The following EGR4 variants were observed in gnomAD, a reference collection of about 807,000 sequenced individuals.
The protein encoded by EGR4 is early growth response 4.
EGR4 carries 22 observed loss-of-function variants against 25.4 expected under a neutral mutation model. The observed-to-expected ratio is 0.87, with a 90% CI of 0.62 to 1.24. The LOEUF (loss-of-function observed/expected upper bound fraction) is 1.24, where lower values mean the gene tolerates loss of function less well. Ranked by LOEUF, EGR4 falls within the 50% of genes most tolerant of loss-of-function variation. EGR4 has a pLI of 0.00. For missense variants in EGR4, 742 were observed against 702.9 expected (o/e 1.06, Z -0.63); for synonymous variants, 375 against 320.1 (o/e 1.17, Z -1.83).
In EGR4 at chr2:73,291,368, G is replaced by A; in HGVS notation, c.*89C>T. ...GGAGGCCGGCCCTCGGGCGTGCGAG[G>A]AGGAGTTGGAAGAAGAGCGGGGAGG... On this transcript the variant is annotated 3_prime_UTR_variant, in exon 2 of 2. Coordinates refer to ENST00000436467, the MANE Select transcript of EGR4 (RefSeq NM_001965.4). 1 of 1,502,990 alleles carries A rather than the reference G, an allele frequency of 6.7e-7. No individual in the cohort carries two copies. Among genetic ancestry groups the A allele is most frequent in the Non-Finnish European group, 8.9e-7 (1 of 1,126,690 alleles). The allele number at this position is 1,502,990 out of a possible 1,614,324, so 93.1% of individuals were successfully genotyped here.
chr2:73,291,267 C>T lies in EGR4; in HGVS notation c.*190G>A, dbSNP rs1689088998. The T allele has an allele frequency of 2.5e-6, 2 of 802,946 alleles. No homozygotes were observed. The highest frequency in any genetic ancestry group is 2.0e-5 in the South Asian group (1 of 50,652). 49.7% of individuals were successfully genotyped at this position (802,946 alleles called of 1,614,324 possible). On this transcript the variant is annotated 3_prime_UTR_variant, in exon 2 of 2. Transcript: ENST00000436467. Reference sequence around the variant, plus strand: ...CTGACAAGGGTGACAGCGCCTGGACCGCGGGAACTGTCCGCGGAGCTGGTG... The same window carrying T: ...CTGACAAGGGTGACAGCGCCTGGACTGCGGGAACTGTCCGCGGAGCTGGTG...
chr2:73,292,896 T>C, intron 1 of EGR4, 115 bp from the exon 2 acceptor site: 1 of 1,225,392 alleles, frequency 8.2e-7, no homozygotes, highest in Non-Finnish European at 1.0e-6. Context: ...CTTTTGCACA[T>C]TCTGATTCAG....
At position 73,293,351 on chromosome 2, in the gene EGR4, C is replaced by T. The variant is rs1689150104; in HGVS notation, c.-34G>A. ...GCCGGCTGTGGGGCGCCCGGGGCCTCGCCCGCTGGGCTTGGGGGCGCGCGG... is the reference window on the plus strand; with the variant it reads ...GCCGGCTGTGGGGCGCCCGGGGCCTTGCCCGCTGGGCTTGGGGGCGCGCGG... On this transcript the variant is annotated 5_prime_UTR_variant, in exon 1 of 2. Coordinates refer to ENST00000436467, the MANE Select transcript of EGR4 (RefSeq NM_001965.4). The T allele has an allele frequency of 1.3e-6, 2 of 1,538,832 alleles. No individual in the cohort carries two copies. The highest frequency in any genetic ancestry group is 8.7e-7 in the Non-Finnish European group (1 of 1,143,206).
rs911357336 is a variant in EGR4, at chr2:73,292,447, C to T, written c.471G>A (p.Ala157=). 14 of 1,499,090 alleles carry T rather than the reference C, an allele frequency of 9.3e-6. No individual in the cohort carries two copies. Among genetic ancestry groups the T allele is most frequent in the African/African-American group, 7.0e-5 (5 of 71,466 alleles). 92.9% of individuals were successfully genotyped at this position (1,499,090 alleles called of 1,614,324 possible). A position where few individuals can be genotyped will look rare whatever the true frequency, so the allele number is the denominator to read the frequency against. Residue 157 remains alanine (A), a synonymous_variant, in exon 2 of 2, where the codon GCG becomes GCA. Coordinates refer to ENST00000436467, the MANE Select transcript of EGR4 (RefSeq NM_001965.4). The part of the protein sequence containing the change: ...PDLGAAPFPE[A]FWEASPCAGA... ...CCGCGCAAGGCGAGGCCTCCCAGAA[C>T]GCCTCTGGGAAAGGGGCAGCGCCCA...
chr2:73,293,498 G>A lies in EGR4; in HGVS notation c.-181C>T, dbSNP rs998232165. 50 of 1,094,918 alleles carry A rather than the reference G, an allele frequency of 4.6e-5. No individual in the cohort carries two copies. Among genetic ancestry groups the A allele is most frequent in the Non-Finnish European group, 5.8e-5 (47 of 804,510 alleles). 67.8% of individuals were successfully genotyped at this position (1,094,918 alleles called of 1,614,324 possible). A position where few individuals can be genotyped will look rare whatever the true frequency, so the allele number is the denominator to read the frequency against. Reference sequence around the variant, plus strand: ...GGAGCCGCGGCGCCCTCGCTCGCCCGCACCGGCCTCGGGCGGCGGCTCCTC... The same window carrying A: ...GGAGCCGCGGCGCCCTCGCTCGCCCACACCGGCCTCGGGCGGCGGCTCCTC... On this transcript the variant is annotated 5_prime_UTR_variant, in exon 1 of 2. Transcript: ENST00000436467.
In EGR4 at chr2:73,292,777, G is replaced by A. The variant is rs762746716; in HGVS notation, c.141C>T (p.Gly47=). The change falls in exon 2 of 2, where the codon GGC becomes GGT. Residue 47 remains glycine, a synonymous_variant. Coordinates refer to ENST00000436467, the MANE Select transcript of EGR4 (RefSeq NM_001965.4). ...TGTTCAAAGCCCAGCTCAAGAAGTC[G>A]CCTGCTGAGGAGGGAGCAGGAATCA... ...APAATGYPGA[G]DFLSWALNSC... The A allele has an allele frequency of 1.2e-5, 17 of 1,442,690 alleles. 1 individual carries two copies. In the African/African-American group the frequency reaches 1.7e-4, roughly 15 times the overall value. 89.4% of individuals were successfully genotyped at this position (1,442,690 alleles called of 1,614,324 possible).
chr2:73,293,276 G>T lies in EGR4; in HGVS notation c.42C>A (p.Leu14=). 1.9e-6 allele frequency: 3 copies of T among 1,589,752 alleles called. No individual in the cohort carries two copies. The highest frequency in any genetic ancestry group is 2.3e-5 in the South Asian group (2 of 86,370). ...CGCAACAGCCTTCAGTGGACTTGAC[G>T]AGGAGCGCGTCGGGTTCGGAAAACT... ...LSEFSEPDAL[L]VKSTEGCCAE... is the part of the protein sequence containing the mutation. Residue 14 remains leucine (L), a synonymous_variant, in exon 1 of 2, where the codon CTC becomes CTA. Coordinates refer to ENST00000436467, the MANE Select transcript of EGR4 (RefSeq NM_001965.4).
Position 73,291,265 on chromosome 2 carries a change from A to G in EGR4, c.*192T>C. 2 of 780,654 alleles carry G rather than the reference A, an allele frequency of 2.6e-6. No individual in the cohort carries two copies. The highest frequency in any genetic ancestry group is 4.0e-5 in the South Asian group (2 of 49,928). 48.4% of individuals were successfully genotyped at this position (780,654 alleles called of 1,614,324 possible). A position where few individuals can be genotyped will look rare whatever the true frequency, so the allele number is the denominator to read the frequency against. On this transcript the variant is annotated 3_prime_UTR_variant, in exon 2 of 2. Transcript: ENST00000436467. Reference sequence around the variant, plus strand: ...GGCTGACAAGGGTGACAGCGCCTGGACCGCGGGAACTGTCCGCGGAGCTGG... The same window carrying G: ...GGCTGACAAGGGTGACAGCGCCTGGGCCGCGGGAACTGTCCGCGGAGCTGG...
chr2:73,292,822 G>T, intron 1 of EGR4, 41 bp from the exon 2 acceptor site: 1 of 1,381,562 alleles, frequency 7.2e-7, no homozygotes, highest in Non-Finnish European at 9.4e-7. Context: ...ACATCAAAGG[G>T]TGCACCTGAG....
Position 73,293,487 on chromosome 2 carries a change from C to G in EGR4, c.-170G>C. The G allele has an allele frequency of 2.0e-6, 3 of 1,505,704 alleles. No individual in the cohort carries two copies. The highest frequency in any genetic ancestry group is 2.7e-6 in the Non-Finnish European group (3 of 1,130,770). The allele number at this position is 1,505,704 out of a possible 1,614,324, so 93.3% of individuals were successfully genotyped here. A position where few individuals can be genotyped will look rare whatever the true frequency, so the allele number is the denominator to read the frequency against. ...AAAGGAGTCGGGGAGCCGCGGCGCC[C>G]TCGCTCGCCCGCACCGGCCTCGGGC... On this transcript the variant is annotated 5_prime_UTR_variant, in exon 1 of 2. Transcript: ENST00000436467.
rs1490448354 is a variant in EGR4, at chr2:73,291,910, A to G, written c.1008T>C (p.Ser336=). Residue 336 remains serine, a synonymous_variant, in exon 2 of 2, where the codon AGT becomes AGC. Coordinates refer to ENST00000436467, the MANE Select transcript of EGR4 (RefSeq NM_001965.4). The part of the protein sequence containing the change: ...KPLVADIPGS[S]GVAAPPVPPP... ...GCGGCACGGGTGGTGCAGCCACGCCACTGCTTCCAGGGATGTCCGCCACCA... is the reference window on the plus strand; with the variant it reads ...GCGGCACGGGTGGTGCAGCCACGCCGCTGCTTCCAGGGATGTCCGCCACCA... The G allele has an allele frequency of 6.3e-7, 1 of 1,575,972 alleles. No homozygotes were observed. The highest frequency in any genetic ancestry group is 1.3e-5 in the African/African-American group (1 of 74,352).
chr2:73,291,192 G>C lies in EGR4; in HGVS notation c.*265C>G. On this transcript the variant is annotated 3_prime_UTR_variant, in exon 2 of 2. Transcript: ENST00000436467. ...TACAAAAGACTGTCTTGAATCCCAGGGTAGTGCCTATTCACTGGGTGGTCT... is the reference window on the plus strand; with the variant it reads ...TACAAAAGACTGTCTTGAATCCCAGCGTAGTGCCTATTCACTGGGTGGTCT... 2 of 534,434 alleles carry C rather than the reference G, an allele frequency of 3.7e-6. No homozygotes were observed. Among genetic ancestry groups the C allele is most frequent in the South Asian group, 5.2e-5 (2 of 38,464 alleles). 33.1% of individuals were successfully genotyped at this position (534,434 alleles called of 1,614,324 possible).
At position 73,291,299 on chromosome 2, in the gene EGR4, A is replaced by T; in HGVS notation, c.*158T>A. On this transcript the variant is annotated 3_prime_UTR_variant, in exon 2 of 2. Coordinates refer to ENST00000436467, the MANE Select transcript of EGR4 (RefSeq NM_001965.4). ...ACTGTCCGCGGAGCTGGTGCTGAAT[A>T]GGGCGTGTGCGGCGGGCGCTTCAAG... is the stretch of plus-strand genomic sequence containing the variant. The T allele has an allele frequency of 9.9e-7, 1 of 1,012,054 alleles. No individual in the cohort carries two copies. Among genetic ancestry groups the T allele is most frequent in the Non-Finnish European group, 1.4e-6 (1 of 707,018 alleles). 62.7% of individuals were successfully genotyped at this position (1,012,054 alleles called of 1,614,324 possible).
rs746393391 is a variant in EGR4, at chr2:73,292,625, G to A, written c.293C>T (p.Pro98Leu). The A allele has an allele frequency of 1.1e-5, 17 of 1,545,882 alleles. No individual in the cohort carries two copies. The highest frequency in any genetic ancestry group is 1.5e-5 in the Non-Finnish European group (17 of 1,146,794). ...IQAVPEHPHD[P>L]EALFNLMSGI... The stretch of plus-strand genomic sequence containing the variant: ...CGACATGAGGTTGAAGAGTGCCTCC[G>A]GGTCGTGCGGGTGTTCGGGCACTGC... Residue 98 changes from proline to leucine, a missense_variant, in exon 2 of 2, where the codon CCG becomes CTG. By Grantham distance (98) the Pro-to-Leu change is moderately conservative. Transcript: ENST00000436467.
In EGR4 at chr2:73,291,237, C is replaced by T. The variant is rs146485343; in HGVS notation, c.*220G>A. On this transcript the variant is annotated 3_prime_UTR_variant, in exon 2 of 2. Transcript: ENST00000436467. ...TGGTCTCAGAAGACTTCCCCCAAAG[C>T]GCGGCTGACAAGGGTGACAGCGCCT... The T allele has an allele frequency of 3.3e-3, 2,036 of 611,568 alleles. 31 individuals are homozygous for T. The highest frequency in any genetic ancestry group is 0.029 in the African/African-American group (1,570 of 53,630). The allele number at this position is 611,568 out of a possible 1,614,324, so 37.9% of individuals were successfully genotyped here.
Position 73,291,348 on chromosome 2 carries a change from C to A in EGR4, c.*109G>T. The A allele has an allele frequency of 6.8e-7, 1 of 1,459,908 alleles. No homozygotes were observed. Among genetic ancestry groups the A allele is most frequent in the African/African-American group, 1.4e-5 (1 of 70,486 alleles). 90.4% of individuals were successfully genotyped at this position (1,459,908 alleles called of 1,614,324 possible). A position where few individuals can be genotyped will look rare whatever the true frequency, so the allele number is the denominator to read the frequency against. On this transcript the variant is annotated 3_prime_UTR_variant, in exon 2 of 2. Coordinates refer to ENST00000436467, the MANE Select transcript of EGR4 (RefSeq NM_001965.4). ...AGGAAACTGGAAGCGGGACCGGAGG[C>A]CGGCCCTCGGGCGTGCGAGGAGGAG...
Position 73,293,235 on chromosome 2 carries a change from T to G in EGR4, c.83A>C (p.Glu28Ala), listed in dbSNP as rs1293690034. 6.4e-7 allele frequency: 1 copy of G among 1,571,840 alleles called. No individual in the cohort carries two copies. Among genetic ancestry groups the G allele is most frequent in the African/African-American group, 1.4e-5 (1 of 73,260 alleles). ...GTCCCTGGCAGGCAGCCGGGGCAAT[T>G]CAGCGCTGGGTTCGGCGCAACAGCC... Reference protein sequence around the residue: ...TEGCCAEPSAELPRLPARDAP... With the variant: ...TEGCCAEPSAALPRLPARDAP... Residue 28 changes from glutamate (E) to alanine (A), a missense_variant, in exon 1 of 2, where the codon GAA becomes GCA. Transcript: ENST00000436467.
Position 73,291,295 on chromosome 2 carries a change from G to C in EGR4, c.*162C>G. 1 of 1,002,366 alleles carries C rather than the reference G, an allele frequency of 1.0e-6. No individual in the cohort carries two copies. The highest frequency in any genetic ancestry group is 1.7e-5 in the South Asian group (1 of 58,346). The allele number at this position is 1,002,366 out of a possible 1,614,324, so 62.1% of individuals were successfully genotyped here. ...GGGAACTGTCCGCGGAGCTGGTGCT[G>C]AATAGGGCGTGTGCGGCGGGCGCTT... On this transcript the variant is annotated 3_prime_UTR_variant, in exon 2 of 2. Coordinates refer to ENST00000436467, the MANE Select transcript of EGR4 (RefSeq NM_001965.4).
chr2:73,292,915 C>T, intron 1 of EGR4, 134 bp from the exon 2 acceptor site: 5 of 1,107,232 alleles, frequency 4.5e-6, no homozygotes, highest in Non-Finnish European at 5.8e-6. Context: ...AGCAGGGGCC[C>T]GCATACGTCC....
Sources: gnomAD v4.1 joint callset for allele counts on GRCh38, gnomAD v4.1.1 for gene constraint, MANE v1.5 for transcripts, NCBI Gene and HGNC (gene_info 2026-07-23, HGNC 2026-07-21) for gene names.